The following TTC39C variants were observed in gnomAD, a reference collection of about 807,000 sequenced individuals.
TTC39C encodes the protein tetratricopeptide repeat domain 39C.
Under a neutral mutation model 76.3 loss-of-function variants are expected in TTC39C, and 33 were observed. The observed-to-expected ratio is 0.43, with a 90% CI of 0.33 to 0.58. The LOEUF (loss-of-function observed/expected upper bound fraction) is 0.58, where lower values mean the gene tolerates loss of function less well. TTC39C is among the 20% of genes least tolerant of loss of function. TTC39C has a pLI of 0.04. For missense variants in TTC39C, 595 were observed against 701.4 expected (o/e 0.85, Z 1.71); for synonymous variants, 254 against 260.6 (o/e 0.97, Z 0.24).
intron 8 of TTC39C, among the ~76,000 whole-genome samples, chr18:24,119,877 C>T (rs2084942779): frequency 6.6e-6 from 1 of 152,022 alleles, no homozygotes. Flanking sequence ...GCCGCACAGT[C>T]GATGGTGGAC....
At chr18:24,035,657 C>G (rs2083721980) in intron 1 of TTC39C, among the ~76,000 whole-genome samples, 1 of 152,090 alleles carries the variant, frequency 6.6e-6, no homozygotes, top group Admixed American at 6.5e-5. Flanking sequence ...TTTAAGAGTT[C>G]TTTATGTATT....
rs796904814 is a variant in TTC39C, at chr18:24,084,200, T to C, written c.984+1119T>C. On this transcript the variant is annotated intron_variant, in intron 6 of 13. Coordinates refer to ENST00000317571, the MANE Select transcript of TTC39C (RefSeq NM_001135993.2). ...ATACTAGCAGTTGAAAATTGAGATA[T>C]AAGCTGGGCATGGTGGCTCATGCCT... Among the ~76,000 whole-genome samples, 5 of 152,252 alleles carry C rather than the reference T, an allele frequency of 3.3e-5. 1 individual carries two copies. The highest frequency in any genetic ancestry group is 1.2e-4 in the African/African-American group (5 of 41,550).
intron 4 of TTC39C, among the ~76,000 whole-genome samples, chr18:24,073,568 T>A (rs1250058879): frequency 2.0e-5 from 3 of 151,998 alleles, no homozygotes; most frequent in Non-Finnish European, 4.4e-5. Context: ...CACTCTGTCA[T>A]CCAGGCTGGA....
chr18:24,083,971 A>G (rs535192908), intron 6 of TTC39C, among the ~76,000 whole-genome samples: 1 of 152,164 alleles, frequency 6.6e-6, no homozygotes, highest in African/African-American at 2.4e-5. Context: ...ATCAGCCCCC[A>G]TGAGTCCTTT....
In TTC39C at chr18:24,134,257, G is replaced by GTTGTTTTTTTTTTTTTTTTTTTTTTT. The variant is rs1555779358; in HGVS notation, c.*1685_*1686insGTTTTTTTTTTTTTTTTTTTTTTTTT. ...TGGTGCCCAAAAATATTGGACATCT[G>GTTGTTTTTTTTTTTTTTTTTTTTTTT]TTTTTTGTTTTTTTTTTTTTTTTTT... On this transcript the variant is annotated 3_prime_UTR_variant, in exon 14 of 14. Transcript: ENST00000317571. The GTTGTTTTTTTTTTTTTTTTTTTTTTT allele has an allele frequency of 8.2e-5, 4 of 48,688 alleles. 1 individual carries two copies. The highest frequency in any genetic ancestry group is 6.0e-5 in the African/African-American group (1 of 16,714). 3.0% of individuals were successfully genotyped at this position (48,688 alleles called of 1,614,324 possible). A position where few individuals can be genotyped will look rare whatever the true frequency, so the allele number is the denominator to read the frequency against.
At chr18:24,064,669 G>T (rs1304886793) in intron 2 of TTC39C, among the ~76,000 whole-genome samples, 1 of 152,086 alleles carries the variant, frequency 6.6e-6, no homozygotes, top group African/African-American at 2.4e-5. Flanking sequence ...TGGAAAATGG[G>T]ATACTTCGAT....
Position 24,035,891 on chromosome 18 carries a change from A to G in TTC39C, c.167+20853A>G, listed in dbSNP as rs573384358. Among the ~76,000 whole-genome samples, 15 of 152,050 alleles carry G rather than the reference A, an allele frequency of 9.9e-5. No individual in the cohort carries two copies. In the South Asian group the frequency reaches 3.1e-3, roughly 32 times the overall value. On this transcript the variant is annotated intron_variant, in intron 1 of 13. Coordinates refer to ENST00000317571, the MANE Select transcript of TTC39C (RefSeq NM_001135993.2). ...GATGAAGCTTTTTCTCTGTTTTCTA[A>G]TAAGAGTTTTATAATTTCAACTCTA...
intron 6 of TTC39C, chr18:24,113,632 G>A (rs948513360): frequency 5.7e-6 from 4 of 702,264 alleles, no homozygotes; most frequent in African/African-American, 1.7e-5. Context: ...TAAGCTGTCA[G>A]GTCGTCTGGC....
chr18:24,111,053 C>T (rs1568441296), intron 6 of TTC39C, among the ~76,000 whole-genome samples: 3 of 151,464 alleles, frequency 2.0e-5, no homozygotes, highest in Admixed American at 6.6e-5. Flanking sequence ...TGCAGTGGCA[C>T]GATCTTGGCT....
At chr18:24,042,772 C>CTTTCTTCTTCTT (rs2083813158) in intron 1 of TTC39C, among the ~76,000 whole-genome samples, 1 of 152,154 alleles carries the variant, frequency 6.6e-6, no homozygotes, top group Non-Finnish European at 1.5e-5. Context: ...TGTAAAAAGA[C>CTTTCTTCTTCTT]TCCAGAAGAA....
At chr18:24,001,887 G>A (rs1464758331) in intron 1 of TTC39C, among the ~76,000 whole-genome samples, 3 of 143,138 alleles carry the variant, frequency 2.1e-5, no homozygotes, top group Non-Finnish European at 3.0e-5. Context: ...GTGCAGTGGC[G>A]CAATCTCGGC....
intron 1 of TTC39C, among the ~76,000 whole-genome samples, chr18:24,008,677 T>C (rs1317401480): frequency 6.6e-6 from 1 of 152,234 alleles, no homozygotes; most frequent in Admixed American, 6.5e-5. Flanking sequence ...ATTCCCATTA[T>C]TGGGTATATA....
intron 1 of TTC39C, among the ~76,000 whole-genome samples, chr18:23,999,545 G>A (rs547967462): frequency 6.6e-6 from 1 of 152,372 alleles, no homozygotes; most frequent in Admixed American, 6.5e-5. Flanking sequence ...CCATCTTCTA[G>A]GTCCCTAGCC....
intron 6 of TTC39C, among the ~76,000 whole-genome samples, chr18:24,105,703 G>A (rs11082943): frequency 1.1e-4 from 16 of 152,080 alleles, no homozygotes; most frequent in African/African-American, 3.9e-4. Context: ...ATGGGTGATG[G>A]TGGACAGAGG....
intron 4 of TTC39C, among the ~76,000 whole-genome samples, chr18:24,076,616 G>A (rs969892847): frequency 3.3e-5 from 5 of 152,130 alleles, no homozygotes; most frequent in African/African-American, 7.2e-5. Flanking sequence ...GGCAAGTCCC[G>A]AGAACCTGTT....
At chr18:24,021,948 T>A (rs2083522683) in intron 1 of TTC39C, among the ~76,000 whole-genome samples, 1 of 152,218 alleles carries the variant, frequency 6.6e-6, no homozygotes, top group Admixed American at 6.5e-5. Flanking sequence ...AAGGAGGCAT[T>A]ACTTCATACC....
intron 1 of TTC39C, among the ~76,000 whole-genome samples, chr18:24,030,692 C>T (rs376159358): frequency 3.4e-5 from 4 of 116,660 alleles, no homozygotes; most frequent in African/African-American, 1.2e-4. Context: ...CGCTCTGTCA[C>T]CAGGCTAAAG....
upstream of TTC39C, among the ~76,000 whole-genome samples, chr18:24,012,073 T>C (rs1198667970): frequency 6.6e-6 from 1 of 152,116 alleles, no homozygotes; most frequent in Non-Finnish European, 1.5e-5. Flanking sequence ...GCCTTAACTC[T>C]CCCTTGCAAT....
chr18:24,099,088 CATATATACAT>C (rs2084642751), intron 6 of TTC39C: 1 of 100,564 alleles, frequency 9.9e-6, no homozygotes, highest in African/African-American at 4.5e-5. Context: ...ATATATATAA[CATATATACAT>C]ATATATATAT....
Sources: allele counts gnomAD v4.1 joint callset (sites outside exome capture counted in the v4.1 genomes callset), GRCh38; gene constraint gnomAD v4.1.1; transcripts MANE v1.5; gene names NCBI Gene and HGNC (gene_info 2026-07-23, HGNC 2026-07-21).